KHDRBS2: variants seen among roughly 807,000 people sequenced by gnomAD.
KHDRBS2 encodes KH RNA binding domain containing, signal transduction associated 2, also known as KH domain-containing, RNA-binding, signal transduction-associated protein 2.
KHDRBS2 carries 26 observed loss-of-function variants against 44.3 expected under a neutral mutation model. The ratio of observed to expected loss-of-function variants is 0.59; its 90% confidence interval spans 0.43 to 0.81. The LOEUF is 0.81. Among genes scored for constraint, KHDRBS2 ranks in the 40% least tolerant of loss-of-function variants. The pLI, the probability that KHDRBS2 is intolerant of heterozygous loss-of-function variation, is 0.00. For missense variants in KHDRBS2, 476 were observed against 433.1 expected, an observed-to-expected ratio of 1.10 and a Z score of -0.88; for synonymous variants, 194 against 151.1, an observed-to-expected ratio of 1.28 and a Z score of -2.08.
chr6:61,868,501 CG>C (rs1301642716), intron 6 of KHDRBS2, among the ~76,000 whole-genome samples: 2 of 152,182 alleles, frequency 1.3e-5, no homozygotes, highest in Non-Finnish European at 2.9e-5. Flanking sequence ...CCATAGAATA[CG>C]GGCAAGGGTG....
At chr6:61,548,656 T>C in the KHDRBS2 span, among the ~76,000 whole-genome samples, 1 of 152,134 alleles carries the variant, frequency 6.6e-6, no homozygotes. Context: ...GCTTTGTCTC[T>C]ATAACACACT....
the KHDRBS2 span, among the ~76,000 whole-genome samples, chr6:61,575,846 C>G: frequency 1.3e-5 from 2 of 151,998 alleles, no homozygotes; most frequent in East Asian, 3.9e-4. Context: ...AATGAAGTAA[C>G]TCAGGTAAAA....
chr6:61,878,243 T>C lies in KHDRBS2; in HGVS notation c.810+16392A>G, dbSNP rs1331494313. ...CATGAAGTACAGCTTTTCTCAGATA[T>C]CTCAGAAACATTGAACAACCCTCCA... On this transcript the variant is annotated intron_variant, in intron 6 of 8. Transcript: ENST00000281156. 2.0e-5 allele frequency among the ~76,000 whole-genome samples: 3 copies of C among 151,954 alleles called. No homozygotes were observed. The East Asian group carries it at 5.8e-4, about 29-fold the overall frequency.
rs114404199 is a variant in KHDRBS2, at chr6:61,787,633, C to T, written c.811-54869G>A. 8.4e-3 allele frequency among the ~76,000 whole-genome samples: 1,268 copies of T among 151,488 alleles called. 19 individuals are homozygous for T. Among genetic ancestry groups the T allele is most frequent in the African/African-American group, 0.029 (1,187 of 41,450 alleles). On this transcript the variant is annotated intron_variant, in intron 6 of 8. Coordinates refer to ENST00000281156, the MANE Select transcript of KHDRBS2 (RefSeq NM_152688.4). ...TTTTTACTTTGTAAATTGCTCTGAC[C>T]CATTATGAATCTAAAAAGCCCTGGT...
rs1275471016 is a variant in KHDRBS2, at chr6:62,152,535, A to G, written c.219+24650T>C. On this transcript the variant is annotated intron_variant, in intron 2 of 8. Coordinates refer to ENST00000281156, the MANE Select transcript of KHDRBS2 (RefSeq NM_152688.4). ...TAATCACTGACTCTCAAGAAAGAAT[A>G]TAAATGACAAAAAATTCTTCTTAGT... 2.6e-5 allele frequency among the ~76,000 whole-genome samples: 4 copies of G among 152,246 alleles called. No homozygotes were observed. In the East Asian group the frequency reaches 7.7e-4, roughly 29 times the overall value.
At chr6:62,269,883 C>A (rs1839795539) in intron 1 of KHDRBS2, among the ~76,000 whole-genome samples, 1 of 152,024 alleles carries the variant, frequency 6.6e-6, no homozygotes, top group South Asian at 2.1e-4. Flanking sequence ...CAACGGTGTA[C>A]TTCTACTTCT....
the KHDRBS2 span, among the ~76,000 whole-genome samples, chr6:61,548,713 A>G: frequency 1.3e-5 from 2 of 152,102 alleles, no homozygotes; most frequent in African/African-American, 2.4e-5. Context: ...AAAACAGAAA[A>G]CAGACGGACT....
intron 1 of KHDRBS2, among the ~76,000 whole-genome samples, chr6:62,232,312 T>C (rs1833019080): frequency 1.3e-5 from 2 of 152,168 alleles, no homozygotes; most frequent in African/African-American, 2.4e-5. Flanking sequence ...TAATAGTCAC[T>C]TAATAAATAA....
At chr6:61,867,352 C>T (rs879548340) in intron 6 of KHDRBS2, among the ~76,000 whole-genome samples, 10 of 152,140 alleles carry the variant, frequency 6.6e-5, no homozygotes, top group Non-Finnish European at 1.5e-4. Context: ...AGCCATGCCC[C>T]TCATGATTCA....
chr6:61,973,191 T>G (rs1771795144), intron 4 of KHDRBS2, among the ~76,000 whole-genome samples: 2 of 152,164 alleles, frequency 1.3e-5, no homozygotes, highest in South Asian at 4.1e-4. Context: ...AATTATAGCA[T>G]CAATTTCAGG....
intron 1 of KHDRBS2, among the ~76,000 whole-genome samples, chr6:62,182,750 T>G (rs9354793): frequency 0.29 from 44,352 of 151,752 alleles, 7,888 homozygotes; most frequent in Middle Eastern, 0.44. Flanking sequence ...ACTATATAAT[T>G]CTTTTATATT....
At chr6:62,096,419 G>A (rs1800614124) in intron 2 of KHDRBS2, among the ~76,000 whole-genome samples, 2 of 151,868 alleles carry the variant, frequency 1.3e-5, no homozygotes, top group South Asian at 4.1e-4. Context: ...GGTCTTATAA[G>A]ATTATCTATT....
intron 2 of KHDRBS2, among the ~76,000 whole-genome samples, chr6:62,066,202 C>T (rs780912432): frequency 6.6e-6 from 1 of 151,660 alleles, no homozygotes; most frequent in South Asian, 2.1e-4. Flanking sequence ...AGCTCAAAAG[C>T]AAACCCTATT....
intron 2 of KHDRBS2, among the ~76,000 whole-genome samples, chr6:62,062,777 T>A: frequency 6.9e-6 from 1 of 144,904 alleles, no homozygotes; most frequent in African/African-American, 2.6e-5. Flanking sequence ...ATAACGAAAA[T>A]CAGAGCAGAA....
At chr6:62,043,320 T>G (rs141949590) in intron 3 of KHDRBS2, among the ~76,000 whole-genome samples, 84 of 152,178 alleles carry the variant, frequency 5.5e-4, no homozygotes, top group African/African-American at 1.9e-3. Context: ...ACCAGCAGCT[T>G]TGTGGTTGTT....
chr6:61,691,531 T>C (rs187111141), intron 8 of KHDRBS2, among the ~76,000 whole-genome samples: 1 of 152,204 alleles, frequency 6.6e-6, no homozygotes, highest in African/African-American at 2.4e-5. Flanking sequence ...TAACCTATTA[T>C]GTAACAACTT....
intron 2 of KHDRBS2, among the ~76,000 whole-genome samples, chr6:62,133,406 G>A (rs1488373160): frequency 6.6e-6 from 1 of 152,150 alleles, no homozygotes; most frequent in Non-Finnish European, 1.5e-5. Flanking sequence ...CATGTAAAAT[G>A]TGTCTTTTGC....
chr6:62,194,546 G>T (rs956282359), intron 1 of KHDRBS2, among the ~76,000 whole-genome samples: 1 of 115,328 alleles, frequency 8.7e-6, no homozygotes, highest in Non-Finnish European at 1.6e-5. Flanking sequence ...TGTTGCCCAG[G>T]CTGGAGTAGA....
intron 6 of KHDRBS2, among the ~76,000 whole-genome samples, chr6:61,770,597 C>T (rs4466232): frequency 0.2 from 30,271 of 151,588 alleles, 3,188 homozygotes; most frequent in African/African-American, 0.24. Context: ...TGATGGAAGA[C>T]GAAATGAATG....
Sources: allele counts gnomAD v4.1 joint callset (sites outside exome capture counted in the v4.1 genomes callset), GRCh38; gene constraint gnomAD v4.1.1; transcripts MANE v1.5; gene names NCBI Gene and HGNC (gene_info 2026-07-23, HGNC 2026-07-21).